PON1: variants seen among roughly 807,000 people sequenced by gnomAD.
PON1 encodes serum paraoxonase/arylesterase 1.
A neutral mutation model predicts 39.2 loss-of-function variants in PON1; 37 were observed. The observed-to-expected ratio is 0.94, with a 90% confidence interval of 0.73 to 1.24. The LOEUF (loss-of-function observed/expected upper bound fraction) is 1.24. Among genes scored for constraint, PON1 ranks in the 50% most tolerant of loss-of-function variants. The pLI, the probability that PON1 is intolerant of heterozygous loss-of-function variation, is 0.00. For missense variants in PON1, 397 were observed against 413.5 expected, an observed-to-expected ratio of 0.96 and a Z score of 0.35; for synonymous variants, 148 against 152.2, an observed-to-expected ratio of 0.97 and a Z score of 0.21.
chr7:95,302,307 A>G lies in PON1; in HGVS notation c.807T>C (p.Asp269=). 2 of 1,607,960 alleles carry G rather than the reference A, an allele frequency of 1.2e-6. No homozygotes were observed. Among genetic ancestry groups the G allele is most frequent in the Non-Finnish European group, 1.7e-6 (2 of 1,174,554 alleles). Residue 269 remains aspartate (D), a synonymous_variant, in exon 8 of 9, where the codon GAT becomes GAC. Transcript: ENST00000222381. ...CTGTCTCAGGATCCACAGATATGTT[A>G]TCCACGAGGGTATTAAAGTCAAGGG... The part of the protein sequence containing the change: ...LKSLDFNTLV[D]NISVDPETGD...
chr7:95,302,081 A>C (rs1480518712), intron 8 of PON1, 124 bp downstream of exon 8: 1 of 978,356 alleles, frequency 1.0e-6, no homozygotes, highest in African/African-American at 2.0e-5. Context: ...TGGGCGACAG[A>C]GCGATACTCT....
Position 95,306,924 on chromosome 7 carries a change from C to CA in PON1, c.699-559dup, listed in dbSNP as rs3917544. Among the ~76,000 whole-genome samples, 342 of 151,358 alleles carry CA rather than the reference C, an allele frequency of 2.3e-3. 1 individual carries two copies. Among genetic ancestry groups the CA allele is most frequent in the Middle Eastern group, 0.01 (3 of 294 alleles). Reference sequence around the variant, plus strand: ...GTCTAAGCACTGTGCATCCCCCCAACAAAAAAAAGAAATTACTGCTCAATT... The same window carrying CA: ...GTCTAAGCACTGTGCATCCCCCCAACAAAAAAAAAGAAATTACTGCTCAATT... On this transcript the variant is annotated intron_variant, in intron 6 of 8. Transcript: ENST00000222381.
At chr7:95,318,840 T>C (rs1190663476) in intron 1 of PON1, among the ~76,000 whole-genome samples, 1 of 152,194 alleles carries the variant, frequency 6.6e-6, no homozygotes, top group African/African-American at 2.4e-5. Flanking sequence ...GATGTAGTGC[T>C]TGAAAAATAC....
intron 1 of PON1, among the ~76,000 whole-genome samples, chr7:95,319,647 A>C (rs759421863): frequency 1.3e-5 from 2 of 152,200 alleles, no homozygotes; most frequent in Admixed American, 1.3e-4. Flanking sequence ...GCTTCAAAGG[A>C]AAGTTGGAAT....
intron 2 of PON1, 149 bp downstream of exon 2, chr7:95,318,174 A>C: frequency 1.5e-6 from 1 of 683,086 alleles, no homozygotes. Context: ...GTCAAAAGTC[A>C]AACAACATGG....
intron 6 of PON1, 101 bp downstream of exon 6, chr7:95,307,910 T>TAA: frequency 8.6e-7 from 1 of 1,156,612 alleles, no homozygotes; most frequent in Admixed American, 1.9e-5. Context: ...CTCACTAGGG[T>TAA]AACATGTTAA....
chr7:95,300,387 CTT>C (rs2116294798), intron 8 of PON1, among the ~76,000 whole-genome samples: 1 of 152,294 alleles, frequency 6.6e-6, no homozygotes, highest in South Asian at 2.1e-4. Context: ...TATATAATGA[CTT>C]GAAGAAAGGA....
intron 7 of PON1, among the ~76,000 whole-genome samples, chr7:95,304,859 T>C (rs1245490558): frequency 6.6e-6 from 1 of 152,228 alleles, no homozygotes; most frequent in African/African-American, 2.4e-5. Flanking sequence ...GCCTGGTCTG[T>C]TGCTGAAACT....
chr7:95,301,584 A>T (rs1445913577), intron 8 of PON1, among the ~76,000 whole-genome samples: 1 of 152,090 alleles, frequency 6.6e-6, no homozygotes, highest in Non-Finnish European at 1.5e-5. Flanking sequence ...CTCCCTTGCT[A>T]GCCCTGGGGT....
intron 5 of PON1, 91 bp downstream of exon 5, chr7:95,311,359 GC>G: frequency 6.8e-7 from 1 of 1,464,726 alleles, no homozygotes; most frequent in African/African-American, 1.4e-5. Flanking sequence ...GAGTTGAACA[GC>G]CATACCTACT....
In PON1 at chr7:95,316,719, A is replaced by G. The variant is rs1334685363; in HGVS notation, c.201+15T>C. ...AAACGTTCTAGAACACAGAAAAGTG[A>G]AAGAAAACACTCACAGAGCTAATGA... On this transcript the variant is annotated intron_variant, in intron 3 of 8. Transcript: ENST00000222381. 12 of 1,610,352 alleles carry G rather than the reference A, an allele frequency of 7.5e-6. No individual in the cohort carries two copies. Among genetic ancestry groups the G allele is most frequent in the Admixed American group, 1.7e-5 (1 of 59,996 alleles).
intron 2 of PON1, among the ~76,000 whole-genome samples, chr7:95,317,593 A>G (rs1444309742): frequency 1.7e-4 from 12 of 71,514 alleles, no homozygotes; most frequent in African/African-American, 5.3e-4. Context: ...AAAAAAAAAA[A>G]GAAAGAAAAA....
chr7:95,302,107 A>AAAAAAAAC, intron 8 of PON1, 98 bp downstream of exon 8: 1 of 796,588 alleles, frequency 1.3e-6, no homozygotes, highest in East Asian at 4.9e-5. Flanking sequence ...AAAAAAAAAA[A>AAAAAAAAC]AAAAAAAAAA....
chr7:95,311,506 C>T lies in PON1; in HGVS notation c.442G>A (p.Glu148Lys), dbSNP rs775970921. 3.7e-6 allele frequency: 6 copies of T among 1,613,686 alleles called. No homozygotes were observed. In the African/African-American group the frequency reaches 5.3e-5, roughly 14 times the overall value. Residue 148 changes from glutamate (E) to lysine (K), a missense_variant, in exon 5 of 9, where the codon GAA (glutamate) becomes AAA (lysine). By Grantham distance (56) the Glu-to-Lys change is moderately conservative. Transcript: ENST00000222381. ...AGATGCAAAAGCGATTTTTCTTCTTCTTGAAATTTAAACAACTCCACTGTG... is the reference window on the plus strand; with the variant it reads ...AGATGCAAAAGCGATTTTTCTTCTTTTTGAAATTTAAACAACTCCACTGTG... ...KSTVELFKFQ[E>K]EEKSLLHLKT...
chr7:95,324,236 A>G (rs1184999825), intron 1 of PON1, among the ~76,000 whole-genome samples, 166 bp downstream of exon 1: 1 of 152,216 alleles, frequency 6.6e-6, no homozygotes, highest in Non-Finnish European at 1.5e-5. Flanking sequence ...TTTTCAAGTG[A>G]CACATGACGG....
intron 7 of PON1, among the ~76,000 whole-genome samples, chr7:95,303,430 G>A (rs377593622): frequency 5.3e-5 from 8 of 152,202 alleles, no homozygotes; most frequent in African/African-American, 1.7e-4. Flanking sequence ...GTCTTTGAAT[G>A]AGGAAAATGT....
chr7:95,311,322 G>A (rs1275223606), intron 5 of PON1, 129 bp downstream of exon 5: 8 of 1,123,478 alleles, frequency 7.1e-6, no homozygotes, highest in Non-Finnish European at 1.1e-5. Flanking sequence ...AAGAGCATGT[G>A]GAGGAGTTTG....
rs1807349869 is a variant in PON1, at chr7:95,298,843, G to A, written c.*101C>T. 2.1e-6 allele frequency: 3 copies of A among 1,410,906 alleles called. No homozygotes were observed. Among genetic ancestry groups the A allele is most frequent in the Non-Finnish European group, 3.0e-6 (3 of 999,266 alleles). 87.4% of individuals were successfully genotyped at this position (1,410,906 alleles called of 1,614,324 possible). On this transcript the variant is annotated 3_prime_UTR_variant, in exon 9 of 9. Transcript: ENST00000222381. ...ATGCTTCATGATGTCCACATTTAGG[G>A]TCAGCATTCATTGTTCAGCTAAGAA...
chr7:95,321,345 C>T (rs933534738), intron 1 of PON1, among the ~76,000 whole-genome samples: 6 of 152,152 alleles, frequency 3.9e-5, no homozygotes, highest in South Asian at 2.1e-4. Context: ...GCTGGCTGCT[C>T]GCAGAAAAAA....
Sources: allele counts gnomAD v4.1 joint callset (sites outside exome capture counted in the v4.1 genomes callset), GRCh38; gene constraint gnomAD v4.1.1; transcripts MANE v1.5; gene names NCBI Gene and HGNC (gene_info 2026-07-23, HGNC 2026-07-21).